INTS6: variants seen among roughly 807,000 people sequenced by gnomAD.
INTS6 encodes integrator complex subunit 6, also known as DEAD box protein.
Under a neutral mutation model 104.9 loss-of-function variants are expected in INTS6, and 16 were observed. The observed-to-expected ratio is 0.15, with a 90% CI of 0.10 to 0.23. INTS6 has a LOEUF of 0.23. Ranked by LOEUF, INTS6 falls within the 10% of genes least tolerant of loss-of-function variation. The probability of loss-of-function intolerance (pLI) is 1.00; values close to 1 mark genes in which losing one functional copy is unlikely to be tolerated. For synonymous variants in INTS6, 324 were observed against 358.7 expected, an observed-to-expected ratio of 0.90 and a Z score of 1.09; for missense variants, 584 against 1,062.8, an observed-to-expected ratio of 0.55 and a Z score of 6.26.
intron 10 of INTS6, among the ~76,000 whole-genome samples, chr13:51,379,917 C>T (rs1165744845): frequency 6.6e-6 from 1 of 151,982 alleles, no homozygotes; most frequent in East Asian, 1.9e-4. Context: ...GTGAAAAACA[C>T]TCAAGGAAAA....
chr13:51,381,943 C>T, intron 10 of INTS6, 86 bp downstream of exon 10: 1 of 693,992 alleles, frequency 1.4e-6, no homozygotes, highest in Non-Finnish European at 2.4e-6. Flanking sequence ...CCTCATGATC[C>T]ACCCGCCTCG....
intron 15 of INTS6, among the ~76,000 whole-genome samples, chr13:51,371,874 T>TCG (rs1384251743): frequency 6.6e-6 from 1 of 152,078 alleles, no homozygotes; most frequent in Non-Finnish European, 1.5e-5. Flanking sequence ...GCACACACCC[T>TCG]CGCCCCACTT....
intron 4 of INTS6, among the ~76,000 whole-genome samples, chr13:51,406,081 T>A (rs1448677915): frequency 6.6e-6 from 1 of 152,138 alleles, no homozygotes; most frequent in East Asian, 1.9e-4. Context: ...GCTACTGCCT[T>A]CCATCCTCAC....
chr13:51,441,352 T>C (rs969525708), intron 3 of INTS6: 1 of 152,230 alleles, frequency 6.6e-6, no homozygotes, highest in Non-Finnish European at 1.5e-5. Flanking sequence ...AATTATGTTG[T>C]ACATTCCTTA....
At chr13:51,346,341 T>C in the INTS6 span, among the ~76,000 whole-genome samples, 1 of 152,052 alleles carries the variant, frequency 6.6e-6, no homozygotes, top group African/African-American at 2.4e-5. Context: ...GGGGCGACAA[T>C]GTGCAGGATC....
chr13:51,374,605 G>A (rs770570338), intron 14 of INTS6, 49 bp downstream of exon 14: 1 of 1,598,050 alleles, frequency 6.3e-7, no homozygotes, highest in South Asian at 1.1e-5. Flanking sequence ...CTATAAAACT[G>A]ACAGTGCCTA....
intron 3 of INTS6, among the ~76,000 whole-genome samples, chr13:51,433,230 T>C (rs565945630): frequency 1.6e-4 from 24 of 152,216 alleles, no homozygotes; most frequent in African/African-American, 5.8e-4. Flanking sequence ...GATCACTTGA[T>C]GTCAGGACTG....
intron 4 of INTS6, among the ~76,000 whole-genome samples, chr13:51,414,989 A>C (rs1252453540): frequency 6.6e-6 from 1 of 152,188 alleles, no homozygotes; most frequent in Non-Finnish European, 1.5e-5. Flanking sequence ...AAAGTCAAGA[A>C]TATCCAAACT....
At position 51,369,249 on chromosome 13, in the gene INTS6, T is replaced by C. The variant is rs781495098; in HGVS notation, c.2166A>G (p.Gln722=). 20 of 1,613,506 alleles carry C rather than the reference T, an allele frequency of 1.2e-5. No homozygotes were observed. Among genetic ancestry groups the C allele is most frequent in the African/African-American group, 2.7e-5 (2 of 74,882 alleles). Residue 722 remains glutamine (Q), a synonymous_variant, in exon 16 of 18, where the codon CAA becomes CAG. Transcript: ENST00000311234. ...HDVVENHVAD[Q]LSSDITPNAM... The stretch of plus-strand genomic sequence containing the variant: ...CATTTGGTGTAATGTCTGATGAAAG[T>C]TGGTCTGCAACATGATTTTCAACCA...
At chr13:51,390,289 T>C (rs1223067083) in intron 5 of INTS6, among the ~76,000 whole-genome samples, 1 of 152,000 alleles carries the variant, frequency 6.6e-6, no homozygotes, top group African/African-American at 2.4e-5. Context: ...TTTGTTGACT[T>C]AGTATGAAAA....
At chr13:51,377,346 GTTTA>G (rs746149987) in intron 12 of INTS6, among the ~76,000 whole-genome samples, 21 of 152,012 alleles carry the variant, frequency 1.4e-4, no homozygotes, top group Non-Finnish European at 2.8e-4. Flanking sequence ...AAAGAGCAAA[GTTTA>G]TTTTTTATTT....
intron 15 of INTS6, among the ~76,000 whole-genome samples, chr13:51,370,641 G>A (rs1343811055): frequency 6.6e-6 from 1 of 152,156 alleles, no homozygotes; most frequent in East Asian, 1.9e-4. Flanking sequence ...TCCAATGGTG[G>A]TGGGCTGGAC....
At chr13:51,438,645 C>T (rs148892308) in intron 3 of INTS6, 1 of 152,324 alleles carries the variant, frequency 6.6e-6, no homozygotes, top group African/African-American at 2.4e-5. Context: ...TTTCTACTAC[C>T]TATTTAGGCC....
intron 3 of INTS6, chr13:51,447,487 G>C (rs759779760): frequency 7.2e-5 from 11 of 152,006 alleles, no homozygotes; most frequent in Non-Finnish European, 1.6e-4. Flanking sequence ...TTTCAATGAG[G>C]TAAACATTCA....
At chr13:51,404,273 C>T (rs1456584324) in intron 4 of INTS6, among the ~76,000 whole-genome samples, 2 of 134,124 alleles carry the variant, frequency 1.5e-5, no homozygotes, top group Admixed American at 7.8e-5. Flanking sequence ...GACTCCATCA[C>T]AAAACAAACA....
chr13:51,440,476 T>C (rs554743292), intron 3 of INTS6: 1 of 152,328 alleles, frequency 6.6e-6, no homozygotes, highest in South Asian at 2.1e-4. Context: ...GTGTACAGTT[T>C]ATAAAGTCTA....
the INTS6 span, among the ~76,000 whole-genome samples, chr13:51,344,815 C>T: frequency 2.6e-5 from 4 of 152,304 alleles, no homozygotes; most frequent in South Asian, 2.1e-4. Flanking sequence ...AACTGTCCCC[C>T]GACTGAGCTC....
chr13:51,369,057 C>A lies in INTS6; in HGVS notation c.2358G>T (p.Glu786Asp). The change falls in exon 16 of 18, where the codon GAG becomes GAT. Residue 786 changes from glutamate to aspartate, a missense_variant. Glu to Asp is a conservative substitution (Grantham distance 45). Transcript: ENST00000311234. ...EPRDKEQCAE[E>D]NIPASSLNKG... ...TGTTGAGTGAAGATGCTGGTATGTT[C>A]TCTTCAGCACATTGTTCTTTATCTC... The A allele has an allele frequency of 6.2e-7, 1 of 1,613,798 alleles. No individual in the cohort carries two copies. Among genetic ancestry groups the A allele is most frequent in the Non-Finnish European group, 8.5e-7 (1 of 1,179,834 alleles).
intron 3 of INTS6, chr13:51,450,261 T>C (rs1953008201): frequency 1.0e-5 from 10 of 984,510 alleles, no homozygotes; most frequent in Non-Finnish European, 1.2e-5. Flanking sequence ...AGGGCAATAA[T>C]ATCATAAAAT....
Sources: allele counts gnomAD v4.1 joint callset (sites outside exome capture counted in the v4.1 genomes callset), GRCh38; gene constraint gnomAD v4.1.1; transcripts MANE v1.5; gene names NCBI Gene and HGNC (gene_info 2026-07-23, HGNC 2026-07-21).